Variants in DCTN5 observed in about 807,000 individuals in gnomAD.
The protein encoded by DCTN5 is dynactin subunit 5.
In DCTN5, 14 loss-of-function variants were observed where a neutral mutation model predicts 23.5. The observed-to-expected ratio is 0.60, with a 90% CI of 0.39 to 0.93. The LOEUF is 0.93. DCTN5 is among the 40% of genes least tolerant of loss of function. The pLI, the probability that DCTN5 is intolerant of heterozygous loss-of-function variation, is 0.00. For missense variants in DCTN5, 156 were observed against 225.9 expected (o/e 0.69, Z 1.98); for synonymous variants, 67 against 79.6 (o/e 0.84, Z 0.84).
At chr16:23,664,717 G>GAC (rs981799439) in intron 4 of DCTN5, among the ~76,000 whole-genome samples, 4 of 152,236 alleles carry the variant, frequency 2.6e-5, no homozygotes, top group African/African-American at 9.6e-5. Context: ...GAAAAGTGGT[G>GAC]ACAGTGGTTA....
Position 23,667,671 on chromosome 16 carries a change from C to T in DCTN5, c.*527C>T, listed in dbSNP as rs1474316957. ...TTTGTGACTTTTCAGAGCCCAGATT[C>T]CTGTTGTCTATTAAAACTTGAAGGG... On this transcript the variant is annotated 3_prime_UTR_variant, in exon 6 of 6. Transcript: ENST00000300087. 6.4e-6 allele frequency: 1 copy of T among 155,420 alleles called. No individual in the cohort carries two copies. The highest frequency in any genetic ancestry group is 1.4e-5 in the Non-Finnish European group (1 of 69,916). 9.6% of individuals were successfully genotyped at this position (155,420 alleles called of 1,614,324 possible). A position where few individuals can be genotyped will look rare whatever the true frequency, so the allele number is the denominator to read the frequency against.
intron 2 of DCTN5, among the ~76,000 whole-genome samples, chr16:23,654,464 T>G: frequency 6.6e-6 from 1 of 151,284 alleles, no homozygotes. Flanking sequence ...GAGCGGGGAG[T>G]TGGGAGGGTG....
chr16:23,651,550 CACCAAAT>C (rs1013149569), intron 2 of DCTN5, among the ~76,000 whole-genome samples: 3 of 152,208 alleles, frequency 2.0e-5, no homozygotes, highest in Non-Finnish European at 2.9e-5. Flanking sequence ...CAACCACCAT[CACCAAAT>C]ACCCAGGACT....
Position 23,675,616 on chromosome 16 carries a change from G to T in DCTN5, c.*8472G>T, listed in dbSNP as rs569470264. 8.5e-5 allele frequency: 13 copies of T among 152,242 alleles called. No homozygotes were observed. The highest frequency in any genetic ancestry group is 3.1e-4 in the African/African-American group (13 of 41,538). The allele number at this position is 152,242 out of a possible 1,614,324, so 9.4% of individuals were successfully genotyped here. A position where few individuals can be genotyped will look rare whatever the true frequency, so the allele number is the denominator to read the frequency against. On this transcript the variant is annotated 3_prime_UTR_variant, in exon 6 of 6. Coordinates refer to ENST00000300087, the MANE Select transcript of DCTN5 (RefSeq NM_032486.4). ...GATGGTTGAAAAAATGCAATGTTAT[G>T]ATTGCTGAACAGGGCACGACTGTTT...
chr16:23,667,412 A>G lies in DCTN5; in HGVS notation c.*268A>G. ...CTTTGTACCATTATCTGTGGAACAC[A>G]GAATCATCTGTTCCCAACACTCCAG... On this transcript the variant is annotated 3_prime_UTR_variant, in exon 6 of 6. Transcript: ENST00000300087. 4.4e-6 allele frequency: 2 copies of G among 454,122 alleles called. No individual in the cohort carries two copies. Among genetic ancestry groups the G allele is most frequent in the Non-Finnish European group, 8.1e-6 (2 of 247,712 alleles). 28.1% of individuals were successfully genotyped at this position (454,122 alleles called of 1,614,324 possible). A position where few individuals can be genotyped will look rare whatever the true frequency, so the allele number is the denominator to read the frequency against.
chr16:23,666,890 C>A, intron 5 of DCTN5, 157 bp from the exon 6 acceptor site: 1 of 1,202,956 alleles, frequency 8.3e-7, no homozygotes, highest in Non-Finnish European at 1.1e-6. Flanking sequence ...AAAAGTTTAG[C>A]TGTTCTTAGC....
chr16:23,658,703 G>A, intron 3 of DCTN5, 78 bp downstream of exon 3: 2 of 1,085,884 alleles, frequency 1.8e-6, no homozygotes, highest in Non-Finnish European at 2.9e-6. Flanking sequence ...TTGAGTTGTG[G>A]TATAATGACT....
intron 2 of DCTN5, among the ~76,000 whole-genome samples, chr16:23,653,416 A>G (rs1173229155): frequency 6.6e-6 from 1 of 152,188 alleles, no homozygotes; most frequent in African/African-American, 2.4e-5. Context: ...CAACTATCTC[A>G]TCTTCATCAA....
rs1296141710 is a variant in DCTN5 at position 23,673,382 on chromosome 16, C to T, written c.*6238C>T. The T allele has an allele frequency of 6.6e-6, 1 of 152,192 alleles. No homozygotes were observed. The highest frequency in any genetic ancestry group is 1.5e-5 in the Non-Finnish European group (1 of 68,030). 9.4% of individuals were successfully genotyped at this position (152,192 alleles called of 1,614,324 possible). On this transcript the variant is annotated 3_prime_UTR_variant, in exon 6 of 6. Coordinates refer to ENST00000300087, the MANE Select transcript of DCTN5 (RefSeq NM_032486.4). ...TTGGCCTCCCTAAGTGCTGGGATTACAGTCATGAGCCACTGTGCCCCGCCA... is the reference window on the plus strand; with the variant it reads ...TTGGCCTCCCTAAGTGCTGGGATTATAGTCATGAGCCACTGTGCCCCGCCA...
chr16:23,644,889 C>T (rs1277898258), intron 2 of DCTN5, among the ~76,000 whole-genome samples: 1 of 148,194 alleles, frequency 6.7e-6, no homozygotes, highest in East Asian at 2.1e-4. Context: ...CAAGGATTCT[C>T]ATGCCTCAGC....
At chr16:23,648,628 G>C (rs1428940470) in intron 2 of DCTN5, among the ~76,000 whole-genome samples, 1 of 151,938 alleles carries the variant, frequency 6.6e-6, no homozygotes, top group African/African-American at 2.4e-5. Context: ...GGGATTACAG[G>C]TGTGGGCCAC....
At position 23,673,828 on chromosome 16, in the gene DCTN5, A is replaced by T. The variant is rs537013945; in HGVS notation, c.*6684A>T. On this transcript the variant is annotated 3_prime_UTR_variant, in exon 6 of 6. Transcript: ENST00000300087. Reference sequence around the variant, plus strand: ...CTCGGGAAAGAGGGAGACAACATGTAAAGAGAAGCAATCTGTTTGGAAAAT... The same window carrying T: ...CTCGGGAAAGAGGGAGACAACATGTTAAGAGAAGCAATCTGTTTGGAAAAT... 3 of 152,382 alleles carry T rather than the reference A, an allele frequency of 2.0e-5. No homozygotes were observed. The East Asian group carries it at 5.8e-4, about 29-fold the overall frequency. The allele number at this position is 152,382 out of a possible 1,614,324, so 9.4% of individuals were successfully genotyped here.
chr16:23,674,525 C>G lies in DCTN5; in HGVS notation c.*7381C>G, dbSNP rs1407172686. On this transcript the variant is annotated 3_prime_UTR_variant, in exon 6 of 6. Coordinates refer to ENST00000300087, the MANE Select transcript of DCTN5 (RefSeq NM_032486.4). ...TGCATTCAGCTTTTGGGATTAGTTG[C>G]AGCTTGCAACAGTGGACTGACAGCC... 1.3e-5 allele frequency: 2 copies of G among 152,228 alleles called. No individual in the cohort carries two copies. Among genetic ancestry groups the G allele is most frequent in the African/African-American group, 4.8e-5 (2 of 41,452 alleles). The allele number at this position is 152,228 out of a possible 1,614,324, so 9.4% of individuals were successfully genotyped here. A position where few individuals can be genotyped will look rare whatever the true frequency, so the allele number is the denominator to read the frequency against.
At chr16:23,649,653 G>T (rs991537278) in intron 2 of DCTN5, among the ~76,000 whole-genome samples, 6 of 152,126 alleles carry the variant, frequency 3.9e-5, no homozygotes, top group East Asian at 1.9e-4. Flanking sequence ...GACCAGCCTG[G>T]CCAACATGGT....
At chr16:23,647,081 C>G (rs1296186105) in intron 2 of DCTN5, among the ~76,000 whole-genome samples, 2 of 150,352 alleles carry the variant, frequency 1.3e-5, no homozygotes, top group African/African-American at 4.9e-5. Flanking sequence ...GTATGACTAT[C>G]TTTATGGAAC....
intron 2 of DCTN5, among the ~76,000 whole-genome samples, chr16:23,654,418 C>T (rs1967662106): frequency 6.6e-6 from 1 of 151,894 alleles, no homozygotes; most frequent in Admixed American, 6.6e-5. Flanking sequence ...AACACATGGA[C>T]ACATAGAGGG....
chr16:23,661,144 G>A (rs771367062), intron 3 of DCTN5, 26 bp from the exon 4 acceptor site: 18 of 1,528,430 alleles, frequency 1.2e-5, no homozygotes, highest in East Asian at 6.8e-5. Flanking sequence ...TGACCTTTCT[G>A]TGTTCATCTT....
Position 23,668,546 on chromosome 16 carries a change from G to C in DCTN5, c.*1402G>C, listed in dbSNP as rs1967947962. 1 of 152,218 alleles carries C rather than the reference G, an allele frequency of 6.6e-6. No individual in the cohort carries two copies. Among genetic ancestry groups the C allele is most frequent in the African/African-American group, 2.4e-5 (1 of 41,442 alleles). 9.4% of individuals were successfully genotyped at this position (152,218 alleles called of 1,614,324 possible). A position where few individuals can be genotyped will look rare whatever the true frequency, so the allele number is the denominator to read the frequency against. On this transcript the variant is annotated 3_prime_UTR_variant, in exon 6 of 6. Coordinates refer to ENST00000300087, the MANE Select transcript of DCTN5 (RefSeq NM_032486.4). ...CAGGCACCCAGGTTCCTACTGTCTT[G>C]CCATGTGGCCACAGTTAGCAACAAA...
At chr16:23,649,286 ATGTT>A (rs1967546422) in intron 2 of DCTN5, among the ~76,000 whole-genome samples, 1 of 152,138 alleles carries the variant, frequency 6.6e-6, no homozygotes, top group Admixed American at 6.6e-5. Flanking sequence ...TGCAGTTGAG[ATGTT>A]TGAGTTCCTT....
Sources: gnomAD v4.1 joint callset for allele counts (sites outside exome capture counted in the v4.1 genomes callset) on GRCh38, gnomAD v4.1.1 for gene constraint, MANE v1.5 for transcripts, NCBI Gene and HGNC (gene_info 2026-07-23, HGNC 2026-07-21) for gene names.